Variants in CTDSPL2 observed in about 807,000 individuals in gnomAD.
CTDSPL2 encodes the protein CTD small phosphatase like 2.
In CTDSPL2, 5 loss-of-function variants were observed where a neutral mutation model predicts 60.0. The ratio of observed to expected loss-of-function variants is 0.08; its 90% CI spans 0.04 to 0.18. The LOEUF (loss-of-function observed/expected upper bound fraction) is 0.18. CTDSPL2 is among the 10% of genes least tolerant of loss of function. CTDSPL2 has a pLI of 1.00. For missense variants in CTDSPL2, 370 were observed against 548.8 expected (o/e 0.67, Z 3.26); for synonymous variants, 186 against 189.3 (o/e 0.98, Z 0.14).
rs1373860674 is a variant in CTDSPL2, at chr15:44,527,661, TTTG to T, written c.*3490_*3492del. On this transcript the variant is annotated 3_prime_UTR_variant, in exon 13 of 13. Coordinates refer to ENST00000260327, the MANE Select transcript of CTDSPL2 (RefSeq NM_016396.3). ...TTCTCTTTGTCTTCCTAGGTATTTA[TTTG>T]TTATCTTTTAATCTTGTGTATCTAA... The T allele has an allele frequency of 2.0e-5, 3 of 152,238 alleles. No individual in the cohort carries two copies. Among genetic ancestry groups the T allele is most frequent in the African/African-American group, 4.8e-5 (2 of 41,466 alleles). 9.4% of individuals were successfully genotyped at this position (152,238 alleles called of 1,614,324 possible).
At position 44,528,184 on chromosome 15, in the gene CTDSPL2, G is replaced by A. The variant is rs974413654; in HGVS notation, c.*4010G>A. On this transcript the variant is annotated 3_prime_UTR_variant, in exon 13 of 13. Transcript: ENST00000260327. ...GGGAGAGAGCGACAAGTTTATACTA[G>A]TTTATGCTTTTGATATTAGTATTTT... is the stretch of plus-strand genomic sequence containing the variant. 6.6e-6 allele frequency: 1 copy of A among 152,080 alleles called. No individual in the cohort carries two copies. The highest frequency in any genetic ancestry group is 2.4e-5 in the African/African-American group (1 of 41,394). The allele number at this position is 152,080 out of a possible 1,614,324, so 9.4% of individuals were successfully genotyped here. A position where few individuals can be genotyped will look rare whatever the true frequency, so the allele number is the denominator to read the frequency against.
chr15:44,521,445 G>C, intron 12 of CTDSPL2, 39 bp downstream of exon 12: 1 of 1,039,662 alleles, frequency 9.6e-7, no homozygotes, highest in South Asian at 1.4e-5. Flanking sequence ...GTTTTTGTTA[G>C]CTCAACTATA....
In CTDSPL2 at chr15:44,526,187, C is replaced by T. The variant is rs1475558279; in HGVS notation, c.*2013C>T. 1.3e-5 allele frequency: 2 copies of T among 152,082 alleles called. No individual in the cohort carries two copies. The highest frequency in any genetic ancestry group is 2.9e-5 in the Non-Finnish European group (2 of 67,978). 9.4% of individuals were successfully genotyped at this position (152,082 alleles called of 1,614,324 possible). A position where few individuals can be genotyped will look rare whatever the true frequency, so the allele number is the denominator to read the frequency against. ...TGTACATACGTTACCTTTACATATG[C>T]TCTTGCTCAAAATTGTGAACCTAGT... On this transcript the variant is annotated 3_prime_UTR_variant, in exon 13 of 13. Transcript: ENST00000260327.
chr15:44,470,602 C>T (rs1272122011), intron 2 of CTDSPL2: 3 of 143,244 alleles, frequency 2.1e-5, no homozygotes, highest in African/African-American at 7.3e-5. Context: ...CACCTGCCAC[C>T]ACTCCCAGCT....
chr15:44,507,299 G>A (rs1488788801), intron 8 of CTDSPL2, among the ~76,000 whole-genome samples: 1 of 150,050 alleles, frequency 6.7e-6, no homozygotes, highest in African/African-American at 2.5e-5. Flanking sequence ...TGGCCAGGCT[G>A]GTCATGAACT....
chr15:44,445,453 G>T (rs1193122968), intron 1 of CTDSPL2, among the ~76,000 whole-genome samples: 3 of 152,108 alleles, frequency 2.0e-5, no homozygotes, highest in Non-Finnish European at 4.4e-5. Context: ...GCCTCCCAAA[G>T]TGCTGGCATT....
intron 2 of CTDSPL2, among the ~76,000 whole-genome samples, chr15:44,466,569 A>G (rs981545332): frequency 6.6e-6 from 1 of 152,238 alleles, no homozygotes; most frequent in African/African-American, 2.4e-5. Context: ...ACTTATGTGA[A>G]TCTAGATGGT....
At chr15:44,507,383 C>G (rs549437003) in intron 8 of CTDSPL2, among the ~76,000 whole-genome samples, 2 of 152,276 alleles carry the variant, frequency 1.3e-5, no homozygotes, top group African/African-American at 4.8e-5. Flanking sequence ...TGCACCCAGC[C>G]GCAGGAGCTT....
At chr15:44,506,412 CTT>C (rs764238056) in intron 8 of CTDSPL2, among the ~76,000 whole-genome samples, 26 of 112,380 alleles carry the variant, frequency 2.3e-4, no homozygotes, top group Middle Eastern at 4.5e-3. Flanking sequence ...CCTACTTTGA[CTT>C]TTTTTTTTTT....
At chr15:44,473,932 G>T (rs1014030945) in intron 2 of CTDSPL2, among the ~76,000 whole-genome samples, 2 of 151,972 alleles carry the variant, frequency 1.3e-5, no homozygotes, top group Non-Finnish European at 1.5e-5. Context: ...CATTTCCGAG[G>T]CTCAGGTGAT....
At chr15:44,504,584 A>AT (rs2081428244) in intron 8 of CTDSPL2, among the ~76,000 whole-genome samples, 1 of 152,090 alleles carries the variant, frequency 6.6e-6, no homozygotes, top group Admixed American at 6.6e-5. Context: ...CCTAAAAAAA[A>AT]CTTTTGAGGC....
At chr15:44,483,262 CA>C (rs764227469) in intron 2 of CTDSPL2, among the ~76,000 whole-genome samples, 898 of 78,154 alleles carry the variant, frequency 0.011, 3 homozygotes, top group African/African-American at 0.029. Flanking sequence ...GACTCTGTCT[CA>C]AAAAAAAAAA....
At chr15:44,470,455 T>A (rs1047908038) in intron 2 of CTDSPL2, 1 of 152,112 alleles carries the variant, frequency 6.6e-6, no homozygotes, top group South Asian at 2.1e-4. Context: ...TGGCTTTTTT[T>A]TTTTATTTTA....
At chr15:44,516,860 G>C (rs1433110052) in intron 10 of CTDSPL2, 2 of 80,152 alleles carry the variant, frequency 2.5e-5, no homozygotes, top group Non-Finnish European at 4.3e-5. Context: ...TTTGTTGTTT[G>C]AAACAGTCTT....
At chr15:44,494,075 A>ATT (rs1595756664) in intron 5 of CTDSPL2, among the ~76,000 whole-genome samples, 1 of 152,152 alleles carries the variant, frequency 6.6e-6, no homozygotes, top group East Asian at 1.9e-4. Flanking sequence ...GACTATAGAA[A>ATT]TTTTTATTGG....
In CTDSPL2 at chr15:44,479,073, C is replaced by CA. The variant is rs1335742628; in HGVS notation, c.187-5148dup. On this transcript the variant is annotated intron_variant, in intron 2 of 12. Coordinates refer to ENST00000260327, the MANE Select transcript of CTDSPL2 (RefSeq NM_016396.3). ...CTTCATTTCTTTAAAAAAAAACAAA[C>CA]AAACAAAAAAAAAAAAACAAGTTTT... Among the ~76,000 whole-genome samples the CA allele has an allele frequency of 5.5e-5, 8 of 146,420 alleles. No individual in the cohort carries two copies. The East Asian group carries it at 8.0e-4, about 15-fold the overall frequency.
In CTDSPL2 at chr15:44,523,624, A is replaced by T. The variant is rs866095748; in HGVS notation, c.1336-485A>T. ...CTGTCATTCATTCATTCATTCGTTC[A>T]TTTATAAATAAACAAACAAACAAAT... On this transcript the variant is annotated intron_variant, in intron 12 of 12. Transcript: ENST00000260327. 3.9e-5 allele frequency among the ~76,000 whole-genome samples: 6 copies of T among 152,170 alleles called. No homozygotes were observed. The South Asian group carries it at 1.2e-3, about 31-fold the overall frequency.
chr15:44,461,735 GA>G (rs2080576017), intron 2 of CTDSPL2, among the ~76,000 whole-genome samples: 1 of 151,480 alleles, frequency 6.6e-6, no homozygotes, highest in Non-Finnish European at 1.5e-5. Flanking sequence ...AAGTAAGCTA[GA>G]AAAAAAGAAA....
In CTDSPL2 at chr15:44,443,316, C is replaced by T. The variant is rs919958005; in HGVS notation, c.-25+15544C>T. On this transcript the variant is annotated intron_variant, in intron 1 of 12. Coordinates refer to ENST00000260327, the MANE Select transcript of CTDSPL2 (RefSeq NM_016396.3). Reference sequence around the variant, plus strand: ...GTTTATCCATTCTTCCATTGGTGGACACTTCGATTGCATCCACCTTTTAGC... The same window carrying T: ...GTTTATCCATTCTTCCATTGGTGGATACTTCGATTGCATCCACCTTTTAGC... 1.3e-4 allele frequency among the ~76,000 whole-genome samples: 20 copies of T among 152,294 alleles called. No individual in the cohort carries two copies. The East Asian group carries it at 2.9e-3, about 22-fold the overall frequency.
Sources: gnomAD v4.1 joint callset for allele counts (sites outside exome capture counted in the v4.1 genomes callset) on GRCh38, gnomAD v4.1.1 for gene constraint, MANE v1.5 for transcripts, NCBI Gene and HGNC (gene_info 2026-07-23, HGNC 2026-07-21) for gene names.